The following PCDH7 variants were observed in gnomAD, a reference collection of about 807,000 sequenced individuals.
The protein encoded by PCDH7 is protocadherin 7.
PCDH7 carries 17 observed loss-of-function variants against 58.9 expected under a neutral mutation model. The observed-to-expected ratio is 0.29, with a 90% CI of 0.20 to 0.43. The LOEUF (loss-of-function observed/expected upper bound fraction) is 0.43, where lower values mean the gene tolerates loss of function less well. PCDH7 is among the 20% of genes least tolerant of loss of function. PCDH7 has a pLI of 1.00. For missense variants in PCDH7, 1,274 were observed against 1,441.0 expected (o/e 0.88, Z 1.88); for synonymous variants, 664 against 616.4 (o/e 1.08, Z -1.14).
chr4:31,021,072 A>G (rs574858763), intron 3 of PCDH7, among the ~76,000 whole-genome samples: 2 of 152,378 alleles, frequency 1.3e-5, no homozygotes, highest in East Asian at 3.9e-4. Flanking sequence ...GGACCAACGA[A>G]TGTTTCATAC....
chr4:31,139,809 T>C (rs967405397), intron 3 of PCDH7, among the ~76,000 whole-genome samples: 3 of 152,204 alleles, frequency 2.0e-5, no homozygotes, highest in African/African-American at 7.2e-5. Flanking sequence ...TTTTTCTAAA[T>C]TTGATGACAA....
chr4:31,053,715 G>T (rs1208388587), intron 3 of PCDH7, among the ~76,000 whole-genome samples: 2 of 152,020 alleles, frequency 1.3e-5, no homozygotes, highest in Non-Finnish European at 1.5e-5. Context: ...TGTTCGTCAC[G>T]TATATTATTG....
intron 3 of PCDH7, among the ~76,000 whole-genome samples, chr4:31,036,664 A>C (rs1209326255): frequency 3.3e-5 from 5 of 152,216 alleles, no homozygotes; most frequent in Admixed American, 1.3e-4. Flanking sequence ...TATTGTGTGC[A>C]AAACACTATA....
intron 1 of PCDH7, among the ~76,000 whole-genome samples, chr4:30,778,621 A>T (rs888010148): frequency 7.9e-5 from 12 of 152,130 alleles, no homozygotes; most frequent in African/African-American, 2.9e-4. Flanking sequence ...TATTTAACAC[A>T]TTTTTGCTGG....
At chr4:30,964,399 G>A (rs940878530) in intron 3 of PCDH7, among the ~76,000 whole-genome samples, 1 of 151,508 alleles carries the variant, frequency 6.6e-6, no homozygotes, top group Non-Finnish European at 1.5e-5. Flanking sequence ...CCGCCACCTC[G>A]CCCCACTAAT....
At chr4:30,767,465 G>A (rs1720898345) in intron 1 of PCDH7, among the ~76,000 whole-genome samples, 2 of 152,266 alleles carry the variant, frequency 1.3e-5, no homozygotes. Context: ...TAATGAAGGG[G>A]CAACTTCACA....
At chr4:30,734,380 C>G (rs1050102044), downstream of PCDH7, among the ~76,000 whole-genome samples, 25 of 151,986 alleles carry the variant, frequency 1.6e-4, no homozygotes, top group African/African-American at 5.8e-4. Flanking sequence ...TTACAGGTGC[C>G]TGCCACCATG....
At chr4:30,987,299 C>T (rs1578494566) in intron 3 of PCDH7, among the ~76,000 whole-genome samples, 1 of 152,030 alleles carries the variant, frequency 6.6e-6, no homozygotes, top group African/African-American at 2.4e-5. Flanking sequence ...CTATTTTATA[C>T]CAGGTTTTTA....
intron 3 of PCDH7, among the ~76,000 whole-genome samples, chr4:30,995,910 A>G (rs1751855229): frequency 6.6e-6 from 1 of 152,132 alleles, no homozygotes; most frequent in Non-Finnish European, 1.5e-5. Context: ...ATTATCCAGG[A>G]TAATCTCCCC....
At position 30,721,336 on chromosome 4, in the gene PCDH7, G is replaced by C. The variant is rs544954127; in HGVS notation, c.-87G>C. ...CTTTCCGGGAGAGGGGAGAGGACTC[G>C]GGGGAGGGCAGGCGGCCGGCCCCGG... On this transcript the variant is annotated 5_prime_UTR_variant, in exon 1 of 2. Coordinates refer to ENST00000361762, the Ensembl canonical transcript of PCDH7. The surrounding 1 kb of genome is among the most constrained non-coding windows in gnomAD (Gnocchi z 6.7). The C allele has an allele frequency of 3.9e-3, 4,983 of 1,284,596 alleles. 16 individuals are homozygous for C. Among genetic ancestry groups the C allele is most frequent in the Non-Finnish European group, 4.6e-3 (4,422 of 966,158 alleles). The allele number at this position is 1,284,596 out of a possible 1,614,324, so 79.6% of individuals were successfully genotyped here.
chr4:30,997,654 AT>A (rs1752022293), intron 3 of PCDH7, among the ~76,000 whole-genome samples: 1 of 152,060 alleles, frequency 6.6e-6, no homozygotes, highest in South Asian at 2.1e-4. Flanking sequence ...TGCCTACACA[AT>A]TTTTTTTCCT....
At chr4:30,729,167 G>C (rs1051050075) in intron 1 of PCDH7, among the ~76,000 whole-genome samples, 1 of 151,828 alleles carries the variant, frequency 6.6e-6, no homozygotes, top group Non-Finnish European at 1.5e-5. Context: ...ATGTGGACTA[G>C]AGTCCAAGTT....
chr4:31,001,517 C>A (rs28609713), intron 3 of PCDH7, among the ~76,000 whole-genome samples: 7,961 of 152,076 alleles, frequency 0.052, 679 homozygotes, highest in African/African-American at 0.18. Flanking sequence ...TACAGCTACA[C>A]ATCTAATGTG....
chr4:30,920,163 G>A (rs1743000855), exon 2 of PCDH7: 1 of 1,367,280 alleles, frequency 7.3e-7, no homozygotes, highest in African/African-American at 1.5e-5. Context: ...CCATTTCGTA[G>A]AGTGACGTTT....
Position 30,798,557 on chromosome 4 carries a change from C to T in PCDH7, c.70+73961C>T, listed in dbSNP as rs545681444. On this transcript the variant is annotated intron_variant, in intron 1 of 3. Coordinates refer to the PCDH7 transcript ENST00000509759. Reference sequence around the variant, plus strand: ...ATATTAATGCATGGTTTCAAAAATTCGTAGGCACAAAGACATTTTGTGAAC... The same window carrying T: ...ATATTAATGCATGGTTTCAAAAATTTGTAGGCACAAAGACATTTTGTGAAC... 4.6e-5 allele frequency among the ~76,000 whole-genome samples: 7 copies of T among 152,190 alleles called. No homozygotes were observed. In the South Asian group the frequency reaches 6.2e-4, roughly 14 times the overall value.
downstream of PCDH7, chr4:31,143,866 C>G (rs559418366): frequency 6.6e-6 from 1 of 152,096 alleles, no homozygotes; most frequent in Non-Finnish European, 1.5e-5. Flanking sequence ...TATTTGAAAG[C>G]GCAGAAAATG....
intron 1 of PCDH7, among the ~76,000 whole-genome samples, chr4:30,861,576 TCTAAAATTTATGATTA>T (rs1734207372): frequency 6.6e-6 from 1 of 152,190 alleles, no homozygotes; most frequent in South Asian, 2.1e-4. Context: ...ATTCTGAAGT[TCTAAAATTTATGATTA>T]CTAAATTCAG....
intron 3 of PCDH7, among the ~76,000 whole-genome samples, chr4:30,995,396 C>A (rs1751801584): frequency 6.6e-6 from 1 of 152,016 alleles, no homozygotes; most frequent in Admixed American, 6.6e-5. Context: ...CCTGTAGTCC[C>A]AGCTACTCGG....
intron 2 of PCDH7, among the ~76,000 whole-genome samples, chr4:30,924,151 C>G (rs1463721897): frequency 6.6e-6 from 1 of 152,136 alleles, no homozygotes; most frequent in East Asian, 1.9e-4. Context: ...ATGCCATGAC[C>G]TACTTGATCT....
Sources: gnomAD v4.1 joint callset for allele counts (sites outside exome capture counted in the v4.1 genomes callset) on GRCh38, gnomAD v4.1.1 for gene constraint, Gnocchi (gnomAD v3.1) non-coding constraint, MANE v1.5 for transcripts, NCBI Gene and HGNC (gene_info 2026-07-23, HGNC 2026-07-21) for gene names.